The following PCDHA7 variants were observed in gnomAD, a reference collection of about 807,000 sequenced individuals.
The protein encoded by PCDHA7 is protocadherin alpha 7, also known as protocadherin alpha-7.
PCDHA7 carries 37 observed loss-of-function variants against 57.2 expected under a neutral mutation model. The observed-to-expected ratio is 0.65, with a 90% CI of 0.50 to 0.85. The LOEUF (loss-of-function observed/expected upper bound fraction) is 0.85. Among genes scored for constraint, PCDHA7 ranks in the 40% least tolerant of loss-of-function variants. The probability of loss-of-function intolerance (pLI) is 0.00; values close to 1 mark genes in which losing one functional copy is unlikely to be tolerated. For synonymous variants in PCDHA7, 553 were observed against 558.8 expected, an observed-to-expected ratio of 0.99 and a Z score of 0.15; for missense variants, 1,188 against 1,241.8, an observed-to-expected ratio of 0.96 and a Z score of 0.65.
At chr5:140,886,339 C>T (rs181002773) in intron 1 of PCDHA7, among the ~76,000 whole-genome samples, 87 of 151,982 alleles carry the variant, frequency 5.7e-4, no homozygotes, top group Non-Finnish European at 1.2e-3. Flanking sequence ...ATGTGCAGAA[C>T]GTGCAGGTTT....
intron 3 of PCDHA7, among the ~76,000 whole-genome samples, chr5:140,996,702 T>A (rs2097740306): frequency 6.6e-6 from 1 of 152,174 alleles, no homozygotes; most frequent in African/African-American, 2.4e-5. Context: ...TGAACCTCTA[T>A]CTCTTTGATT....
chr5:140,937,916 A>T (rs903757303), intron 1 of PCDHA7, among the ~76,000 whole-genome samples: 37 of 152,106 alleles, frequency 2.4e-4, no homozygotes, highest in Non-Finnish European at 1.8e-4. Flanking sequence ...CGTCTCAAAA[A>T]AAAAAAAAAA....
intron 1 of PCDHA7, among the ~76,000 whole-genome samples, chr5:140,905,368 T>C (rs536118800): frequency 6.6e-6 from 1 of 152,218 alleles, no homozygotes; most frequent in African/African-American, 2.4e-5. Flanking sequence ...TATTTCTGGT[T>C]CTCTGTTCTG....
At chr5:140,950,083 T>C (rs1361884165) in intron 1 of PCDHA7, among the ~76,000 whole-genome samples, 1 of 152,002 alleles carries the variant, frequency 6.6e-6, no homozygotes, top group Non-Finnish European at 1.5e-5. Context: ...GCTTATGCTA[T>C]AGTTTTCATT....
chr5:140,883,151 A>G (rs1317370821), intron 1 of PCDHA7: 1 of 1,613,978 alleles, frequency 6.2e-7, no homozygotes, highest in Non-Finnish European at 8.5e-7. Flanking sequence ...TGCATTTACC[A>G]TAAATCCGAA....
intron 3 of PCDHA7, among the ~76,000 whole-genome samples, chr5:140,999,748 G>A (rs1563643254): frequency 1.3e-5 from 2 of 152,188 alleles, no homozygotes; most frequent in South Asian, 2.1e-4. Flanking sequence ...ATCTGGGTTC[G>A]CAGCACATGA....
At position 140,841,334 on chromosome 5, in the gene PCDHA7, T is replaced by C. The variant is rs2150313767; in HGVS notation, c.2355+4596T>C. The C allele has an allele frequency of 4.1e-5, 65 of 1,588,822 alleles. No homozygotes were observed. The African/African-American group carries it at 7.9e-4, about 19-fold the overall frequency. ...ACGACTATTTAACATGGATTATCAC[T>C]GGCGAGGAGAGCTGGGATCCTGGCG... On this transcript the variant is annotated intron_variant, in intron 1 of 3. Coordinates refer to ENST00000525929, the MANE Select transcript of PCDHA7 (RefSeq NM_018910.3).
chr5:140,857,108 C>G (rs1562518295), intron 1 of PCDHA7: 2 of 1,597,858 alleles, frequency 1.3e-6, no homozygotes, highest in Non-Finnish European at 1.7e-6. Flanking sequence ...TGTCACTTCT[C>G]TGTCTCTCCC....
At chr5:140,969,535 T>C (rs1221394283) in intron 1 of PCDHA7, 27 of 1,341,822 alleles carry the variant, frequency 2.0e-5, no homozygotes, top group Non-Finnish European at 2.5e-5. Flanking sequence ...TTTTTCATTT[T>C]CAGAGGCATG....
At chr5:140,987,431 C>G (rs187493051) in intron 3 of PCDHA7, among the ~76,000 whole-genome samples, 1 of 152,232 alleles carries the variant, frequency 6.6e-6, no homozygotes, top group East Asian at 1.9e-4. Context: ...AGCAGGGGGC[C>G]TTTCCCCATG....
chr5:140,949,335 C>T (rs1388078558), intron 1 of PCDHA7, among the ~76,000 whole-genome samples: 1 of 151,586 alleles, frequency 6.6e-6, no homozygotes, highest in Non-Finnish European at 1.5e-5. Flanking sequence ...TATTGTTATC[C>T]AGATTTTCTG....
chr5:140,982,120 T>C (rs1554243763), intron 2 of PCDHA7, among the ~76,000 whole-genome samples: 1 of 152,256 alleles, frequency 6.6e-6, no homozygotes, highest in Non-Finnish European at 1.5e-5. Context: ...CTTGGAACTT[T>C]TGAGAACAAG....
intron 1 of PCDHA7, chr5:140,868,560 T>C (rs2050524245): frequency 1.3e-5 from 2 of 152,862 alleles, no homozygotes; most frequent in South Asian, 2.1e-4. Flanking sequence ...TATTTTTATA[T>C]GAGGAACAAC....
intron 1 of PCDHA7, among the ~76,000 whole-genome samples, chr5:140,917,338 G>GGTGGGGGGGGGGGGGGGGGGC (rs2078134893): frequency 7.3e-6 from 1 of 137,894 alleles, no homozygotes; most frequent in Non-Finnish European, 1.6e-5. Flanking sequence ...GGAGGGGGGG[G>GGTGGGGGGGGGGGGGGGGGGC]ATGGTGTAGG....
chr5:140,886,006 G>C (rs2060811194), intron 1 of PCDHA7, among the ~76,000 whole-genome samples: 2 of 152,088 alleles, frequency 1.3e-5, no homozygotes, highest in Non-Finnish European at 2.9e-5. Context: ...AAATAGTAAA[G>C]GGAGATGCTA....
chr5:140,856,012 G>T, intron 1 of PCDHA7: 1 of 1,547,012 alleles, frequency 6.5e-7, no homozygotes, highest in Non-Finnish European at 8.8e-7. Context: ...GTTCTAGACC[G>T]CTGATTCGTC....
At chr5:140,853,121 C>T in intron 1 of PCDHA7, 1 of 518,370 alleles carries the variant, frequency 1.9e-6, no homozygotes, top group Middle Eastern at 9.7e-4. Flanking sequence ...CCTCATGATC[C>T]TCCCGCCTCA....
chr5:140,882,152 GA>G, intron 1 of PCDHA7: 1 of 1,505,314 alleles, frequency 6.6e-7, no homozygotes, highest in East Asian at 2.3e-5. Flanking sequence ...GCAGAAAGCG[GA>G]ATACCTCTTG....
rs1214485732 is a variant in PCDHA7, at chr5:141,010,285, C to T, written c.*348C>T. On this transcript the variant is annotated 3_prime_UTR_variant, in exon 4 of 4. Coordinates refer to ENST00000525929, the MANE Select transcript of PCDHA7 (RefSeq NM_018910.3). The stretch of plus-strand genomic sequence containing the variant: ...CTCCGGGGATCCTGTCTTGATGACA[C>T]TTGCAGGGCAGGCTGAAAAGTTTTG... The T allele has an allele frequency of 1.3e-6, 2 of 1,550,458 alleles. No homozygotes were observed. The highest frequency in any genetic ancestry group is 1.7e-6 in the Non-Finnish European group (2 of 1,146,698).
Sources: gnomAD v4.1 joint callset for allele counts (sites outside exome capture counted in the v4.1 genomes callset) on GRCh38, gnomAD v4.1.1 for gene constraint, MANE v1.5 for transcripts, NCBI Gene and HGNC (gene_info 2026-07-23, HGNC 2026-07-21) for gene names.